Variants in SPOCD1 observed in about 807,000 individuals in gnomAD.
The protein encoded by SPOCD1 is SPOC domain-containing protein 1.
SPOCD1 carries 64 observed loss-of-function variants against 92.2 expected under a neutral mutation model. That is an observed-to-expected ratio of 0.69 (90% CI 0.57 to 0.86). The LOEUF (loss-of-function observed/expected upper bound fraction) is 0.86, where lower values mean the gene tolerates loss of function less well. Among genes scored for constraint, SPOCD1 ranks in the 40% least tolerant of loss-of-function variants. The pLI is 0.00. For missense variants in SPOCD1, 1,360 were observed against 1,543.1 expected (o/e 0.88, Z 1.99); for synonymous variants, 578 against 619.3 (o/e 0.93, Z 0.99).
chr1:31,797,403 T>C (rs1178851681), intron 9 of SPOCD1, among the ~76,000 whole-genome samples: 1 of 152,248 alleles, frequency 6.6e-6, no homozygotes, highest in African/African-American at 2.4e-5. Flanking sequence ...CGCTCTGTTG[T>C]TGTCACCTTG....
Position 31,815,305 on chromosome 1 carries a change from G to C in SPOCD1, c.29C>G (p.Pro10Arg). The C allele has an allele frequency of 6.4e-7, 1 of 1,563,898 alleles. No homozygotes were observed. The highest frequency in any genetic ancestry group is 2.3e-5 in the East Asian group (1 of 43,896). Residue 10 changes from proline to arginine, a missense_variant, in exon 2 of 16, where the codon CCC becomes CGC. Coordinates refer to ENST00000360482, the MANE Select transcript of SPOCD1 (RefSeq NM_144569.7). ...ACTGAGCACAGGGTCTCCTGTGCTG[G>C]GGCCTTCTACGTCCCCCGCCTGGGA... MSQAGDVEG[P>R]STGDPVLSPQ...
At position 31,790,484 on chromosome 1, in the gene SPOCD1, G is replaced by A. The variant is rs1355713346; in HGVS notation, c.*119C>T. The A allele has an allele frequency of 4.2e-5, 37 of 883,546 alleles. No homozygotes were observed. Among genetic ancestry groups the A allele is most frequent in the Non-Finnish European group, 6.0e-5 (35 of 584,322 alleles). The allele number at this position is 883,546 out of a possible 1,614,324, so 54.7% of individuals were successfully genotyped here. ...AACAGCAAACATTGTCAAACAGGAA[G>A]TTCAAACAGGGCAGGTGGGTAGGGC... On this transcript the variant is annotated 3_prime_UTR_variant, in exon 16 of 16. Coordinates refer to ENST00000360482, the MANE Select transcript of SPOCD1 (RefSeq NM_144569.7).
At chr1:31,796,279 A>C in intron 10 of SPOCD1, 1 of 446,116 alleles carries the variant, frequency 2.2e-6, no homozygotes. Flanking sequence ...GCTTCCCAGC[A>C]GAGATCTGGG....
chr1:31,813,074 G>C (rs538517415), intron 2 of SPOCD1, among the ~76,000 whole-genome samples: 1 of 152,134 alleles, frequency 6.6e-6, no homozygotes, highest in Non-Finnish European at 1.5e-5. Context: ...GTGATATAGG[G>C]AACATGGCTG....
chr1:31,799,437 G>A lies in SPOCD1; in HGVS notation c.1832C>T (p.Thr611Ile), dbSNP rs1243829169. 4 of 1,611,906 alleles carry A rather than the reference G, an allele frequency of 2.5e-6. No homozygotes were observed. The Admixed American group carries it at 6.7e-5, about 27-fold the overall frequency. The part of the protein sequence containing the change: ...KPSLYIGVRG[T>I]VVRSMQEVLW... ...TACCTCCTGCATGGAACGGACAACA[G>A]TGCCCCGCACCCCAATATACAGGGA... The change falls in exon 7 of 16, where the codon ACT (threonine) becomes ATT (isoleucine). Residue 611 changes from threonine (T) to isoleucine (I), a missense_variant. Coordinates refer to ENST00000360482, the MANE Select transcript of SPOCD1 (RefSeq NM_144569.7).
chr1:31,801,612 C>A (rs1570175826), intron 3 of SPOCD1, 52 bp downstream of exon 3: 2 of 1,575,200 alleles, frequency 1.3e-6, no homozygotes, highest in East Asian at 4.5e-5. Flanking sequence ...CCCACTCCAC[C>A]CCACCTGAGG....
chr1:31,792,261 A>T lies in SPOCD1; in HGVS notation c.2916T>A (p.Pro972=), dbSNP rs910137441. The T allele has an allele frequency of 6.2e-7, 1 of 1,612,570 alleles. No individual in the cohort carries two copies. Among genetic ancestry groups the T allele is most frequent in the Non-Finnish European group, 8.5e-7 (1 of 1,179,504 alleles). The stretch of plus-strand genomic sequence containing the variant: ...GCCTGGTGGGCAGGGGCTGGAAGGC[A>T]GGCAGGGGCAGCAGGACCATCCCCA... The part of the protein sequence containing the change: ...EHMGMVLLPL[P]AFQPLPTRLR... Residue 972 remains proline (P), a synonymous_variant, in exon 15 of 16, where the codon CCT becomes CCA. Coordinates refer to ENST00000360482, the MANE Select transcript of SPOCD1 (RefSeq NM_144569.7).
In SPOCD1 at chr1:31,814,651, A is replaced by C. The variant is rs1649430469; in HGVS notation, c.683T>G (p.Leu228Arg). ...CEEGAGDFLWLDQSPRGDNLL... is the reference protein window; with the variant it reads ...CEEGAGDFLWRDQSPRGDNLL... ...GTTGTCCCCACGAGGGCTCTGATCA[A>C]GCCACAGGAAGTCACCAGCCCCTTC... The change falls in exon 2 of 16, where the codon CTT becomes CGT. Residue 228 changes from leucine (L) to arginine (R), a missense_variant. By Grantham distance (102) the Leu-to-Arg change is moderately radical. Transcript: ENST00000360482. The surrounding 1 kb of genome is among the most constrained non-coding windows in gnomAD (Gnocchi z 4.2). 5.2e-6 allele frequency: 8 copies of C among 1,545,998 alleles called. No individual in the cohort carries two copies. The highest frequency in any genetic ancestry group is 1.4e-5 in the African/African-American group (1 of 72,604).
rs756685934 is a variant in SPOCD1 at position 31,814,409 on chromosome 1, G to C, written c.925C>G (p.Pro309Ala). Residue 309 changes from proline (P) to alanine (A), a missense_variant, in exon 2 of 16, where the codon CCC becomes GCC. Transcript: ENST00000360482. The surrounding 1 kb of genome is among the most constrained non-coding windows in gnomAD (Gnocchi z 4.2). ...GAACTGAGGGACTCCCCTCCACTGGGCACTGGGAACCCGACAGGGCCACAG... is the reference window on the plus strand; with the variant it reads ...GAACTGAGGGACTCCCCTCCACTGGCCACTGGGAACCCGACAGGGCCACAG... ...SPCGPVGFPVPSGGESLSSAA... is the reference protein window; with the variant it reads ...SPCGPVGFPVASGGESLSSAA... 4 of 1,609,338 alleles carry C rather than the reference G, an allele frequency of 2.5e-6. No individual in the cohort carries two copies. The East Asian group carries it at 8.9e-5, about 36-fold the overall frequency.
chr1:31,793,227 C>A, intron 13 of SPOCD1, 51 bp downstream of exon 13: 2 of 1,525,360 alleles, frequency 1.3e-6, no homozygotes, highest in South Asian at 1.2e-5. Flanking sequence ...AGAGAGGCTG[C>A]CTGGGCTGGT....
intron 2 of SPOCD1, among the ~76,000 whole-genome samples, chr1:31,802,222 C>T (rs112225568): frequency 1.1e-4 from 17 of 152,152 alleles, no homozygotes; most frequent in East Asian, 1.9e-4. Context: ...CTTCATACTA[C>T]GAATTCTATG....
rs555125461 is a variant in SPOCD1 at position 31,814,887 on chromosome 1, G to T, written c.447C>A (p.Cys149Ter). The T allele has an allele frequency of 6.2e-7, 1 of 1,613,592 alleles. No individual in the cohort carries two copies. The highest frequency in any genetic ancestry group is 8.5e-7 in the Non-Finnish European group (1 of 1,180,004). The part of the protein sequence containing the change: ...SAGLPERALA[C>*]RERLAGVEEV... ...CCTCCACTCCTGCAAGCCTCTCCCT[G>T]CAGGCCAGAGCTCTCTCTGGGAGGC... is the stretch of plus-strand genomic sequence containing the variant. The change falls in exon 2 of 16, where the codon TGC becomes TGA. Residue 149 changes from cysteine (C) to a stop codon, truncating the protein, a stop_gained. Transcript: ENST00000360482. LOFTEE classifies it high-confidence loss of function. This position sits in a 1 kb window ranked among gnomAD's most constrained non-coding sequence, Gnocchi z 4.2.
chr1:31,802,195 G>T (rs569663438), intron 2 of SPOCD1, among the ~76,000 whole-genome samples: 2 of 152,278 alleles, frequency 1.3e-5, no homozygotes, highest in South Asian at 4.1e-4. Flanking sequence ...AAGGGAAATG[G>T]TTAATAAATG....
chr1:31,792,645 G>A (rs1415274338), intron 14 of SPOCD1, 33 bp downstream of exon 14: 10 of 1,529,012 alleles, frequency 6.5e-6, no homozygotes, highest in Admixed American at 1.9e-5. Flanking sequence ...AAGGTACTAG[G>A]AAAAGAGGGG....
intron 15 of SPOCD1, among the ~76,000 whole-genome samples, chr1:31,791,969 T>G (rs777490089): frequency 1.3e-5 from 2 of 152,240 alleles, no homozygotes; most frequent in Admixed American, 1.3e-4. Flanking sequence ...AGTCTAATAG[T>G]ACCATTCTCA....
At chr1:31,793,229 T>C (rs1570148148) in intron 13 of SPOCD1, 49 bp downstream of exon 13, 3 of 1,532,020 alleles carry the variant, frequency 2.0e-6, no homozygotes, top group Non-Finnish European at 2.6e-6. Flanking sequence ...AGAGGCTGCC[T>C]GGGCTGGTCA....
chr1:31,814,742 G>C lies in SPOCD1; in HGVS notation c.592C>G (p.Pro198Ala), dbSNP rs1649438525. The C allele has an allele frequency of 6.2e-6, 10 of 1,613,668 alleles. No homozygotes were observed. The highest frequency in any genetic ancestry group is 8.5e-6 in the Non-Finnish European group (10 of 1,179,792). ...EPPGRPLTSS[P>A]DPVPVRVRKK... ...CTTACCCTCACAGGGACTGGGTCTG[G>C]TGAGGATGTCAGGGGCCTTCCAGGG... Residue 198 changes from proline to alanine, a missense_variant, in exon 2 of 16, where the codon CCA becomes GCA. Pro to Ala is a conservative substitution (Grantham distance 27). Around this residue, in one of 3 missense-constraint regions of SPOCD1, gnomAD observed 606 missense variants for 601.5 expected, o/e 1.01. Coordinates refer to ENST00000360482, the MANE Select transcript of SPOCD1 (RefSeq NM_144569.7). The surrounding 1 kb of genome is among the most constrained non-coding windows in gnomAD (Gnocchi z 4.2).
Position 31,814,467 on chromosome 1 carries a change from G to A in SPOCD1, c.867C>T (p.Pro289=), listed in dbSNP as rs370591004. 2.7e-5 allele frequency: 43 copies of A among 1,580,552 alleles called. No homozygotes were observed. Among genetic ancestry groups the A allele is most frequent in the East Asian group, 9.0e-5 (4 of 44,356 alleles). Residue 289 remains proline, a synonymous_variant, in exon 2 of 16, where the codon CCC becomes CCT. Transcript: ENST00000360482. The surrounding 1 kb of genome is among the most constrained non-coding windows in gnomAD (Gnocchi z 4.2). ...ASGTEKFGYL[P]ATGDGPQPGS... ...CTGGCTGGGGCCCATCCCCTGTAGC[G>A]GGCAAATATCCAAATTTCTCAGTCC...
rs574653327 is a variant in SPOCD1, at chr1:31,803,440, G to A, written c.1384-1735C>T. Among the ~76,000 whole-genome samples the A allele has an allele frequency of 8.6e-5, 13 of 151,866 alleles. No individual in the cohort carries two copies. The East Asian group carries it at 2.3e-3, about 27-fold the overall frequency. On this transcript the variant is annotated intron_variant, in intron 2 of 15. Transcript: ENST00000360482. ...ATAAATTAAATGTGTTGCACTTTGT[G>A]AACACTGTGAAGCACTAAGAGACAC...
Sources: gnomAD v4.1 joint callset for allele counts (sites outside exome capture counted in the v4.1 genomes callset) on GRCh38, gnomAD v4.1.1 for gene constraint, gnomAD v4.1.1 regional missense constraint, Gnocchi (gnomAD v3.1) non-coding constraint, MANE v1.5 for transcripts, NCBI Gene and HGNC (gene_info 2026-07-23, HGNC 2026-07-21) for gene names.